Variants in LRRC74A observed in about 807,000 individuals in gnomAD.
The protein encoded by LRRC74A is leucine-rich repeat-containing protein 74A.
Under a neutral mutation model 57.9 loss-of-function variants are expected in LRRC74A, and 44 were observed. The observed-to-expected ratio is 0.76, with a 90% CI of 0.60 to 0.98. The LOEUF (loss-of-function observed/expected upper bound fraction) is 0.98, where lower values mean the gene tolerates loss of function less well. Among genes scored for constraint, LRRC74A ranks in the 50% least tolerant of loss-of-function variants. LRRC74A has a pLI of 0.00. For synonymous variants in LRRC74A, 211 were observed against 219.4 expected, an observed-to-expected ratio of 0.96 and a Z score of 0.34; for missense variants, 572 against 574.0, an observed-to-expected ratio of 1.00 and a Z score of 0.04.
chr14:76,852,254 T>C (rs1314901043), intron 7 of LRRC74A, 111 bp from the exon 8 acceptor site: 4 of 688,112 alleles, frequency 5.8e-6, no homozygotes, highest in Non-Finnish European at 9.5e-6. Context: ...AGAATTTTAC[T>C]TGCATGACCA....
intron 2 of LRRC74A, 22 bp from the exon 3 acceptor site, chr14:76,831,181 T>C (rs752509780): frequency 3.1e-5 from 50 of 1,613,066 alleles, no homozygotes; most frequent in Non-Finnish European, 3.8e-5. Context: ...GAAATCCTAC[T>C]TCAGCCCATC....
In LRRC74A at chr14:76,857,343, A is replaced by G. The variant is rs564027987; in HGVS notation, c.958-37A>G. On this transcript the variant is annotated intron_variant, in intron 9 of 13. Coordinates refer to ENST00000689127, the MANE Select transcript of LRRC74A (RefSeq NM_001385106.1). ...GTGCTCTGGGCCAGCCTCTCCTCCC[A>G]TCTCAGCCTCCTCTTGTCTTGATTC... 385 of 1,409,734 alleles carry G rather than the reference A, an allele frequency of 2.7e-4. 8 individuals are homozygous for G. The South Asian group carries it at 4.4e-3, about 16-fold the overall frequency. 87.3% of individuals were successfully genotyped at this position (1,409,734 alleles called of 1,614,324 possible). A position where few individuals can be genotyped will look rare whatever the true frequency, so the allele number is the denominator to read the frequency against.
chr14:76,860,982 GC>G, intron 11 of LRRC74A, 143 bp downstream of exon 11: 3 of 667,872 alleles, frequency 4.5e-6, no homozygotes, highest in Non-Finnish European at 7.0e-6. Flanking sequence ...CCCTTGGACA[GC>G]AGACATGGAA....
intron 11 of LRRC74A, among the ~76,000 whole-genome samples, chr14:76,864,909 TATGTGA>T (rs1898657312): frequency 6.6e-6 from 1 of 152,172 alleles, no homozygotes. Context: ...AAGGTGTTCA[TATGTGA>T]ACAGTGGGTT....
At chr14:76,850,431 G>A (rs1897374296) in intron 7 of LRRC74A, among the ~76,000 whole-genome samples, 2 of 152,096 alleles carry the variant, frequency 1.3e-5, no homozygotes, top group South Asian at 4.1e-4. Flanking sequence ...GGTAAAAAGA[G>A]AGTGAAGGAG....
intron 1 of LRRC74A, among the ~76,000 whole-genome samples, chr14:76,827,470 C>T (rs773212431): frequency 2.8e-4 from 42 of 152,274 alleles, no homozygotes; most frequent in Admixed American, 3.3e-4. Context: ...CTTGAAACTA[C>T]TGAGTCCTGT....
intron 11 of LRRC74A, among the ~76,000 whole-genome samples, chr14:76,864,294 C>T (rs1336253790): frequency 4.0e-5 from 6 of 151,500 alleles, no homozygotes; most frequent in Non-Finnish European, 8.8e-5. Context: ...GTGTGGGGAA[C>T]AAAGAGCAAG....
chr14:76,827,158 A>G (rs1850046511), intron 1 of LRRC74A, among the ~76,000 whole-genome samples: 1 of 152,224 alleles, frequency 6.6e-6, no homozygotes, highest in African/African-American at 2.4e-5. Flanking sequence ...CAAGGAAATT[A>G]ACACTCAGAA....
chr14:76,865,373 C>T (rs989800174), intron 11 of LRRC74A, among the ~76,000 whole-genome samples: 1 of 152,034 alleles, frequency 6.6e-6, no homozygotes, highest in Non-Finnish European at 1.5e-5. Context: ...CAATCCCTTG[C>T]ACATATCAAG....
At chr14:76,847,943 G>A (rs1897213897) in intron 7 of LRRC74A, among the ~76,000 whole-genome samples, 1 of 152,134 alleles carries the variant, frequency 6.6e-6, no homozygotes, top group African/African-American at 2.4e-5. Context: ...GGAGGCTGAG[G>A]CGGGTGGATC....
rs1254135779 is a variant in LRRC74A, at chr14:76,857,398, A to G, written c.976A>G (p.Asn326Asp). 1.3e-5 allele frequency: 21 copies of G among 1,580,000 alleles called. No homozygotes were observed. The East Asian group carries it at 4.5e-4, about 34-fold the overall frequency. ...TCTATAGCTTTTCCTGAATCCCATA[A>G]ATATGGATGGGGCTATTTTACTTAT... is the stretch of plus-strand genomic sequence containing the variant. ...RVLKLFLNPI[N>D]MDGAILLILA... is the part of the protein sequence containing the mutation. The change falls in exon 10 of 14, where the codon AAT (asparagine) becomes GAT (aspartate). Residue 326 changes from asparagine to aspartate, a missense_variant. Coordinates refer to ENST00000689127, the MANE Select transcript of LRRC74A (RefSeq NM_001385106.1).
chr14:76,860,707 C>T lies in LRRC74A; in HGVS notation c.1068C>T (p.Ser356=), dbSNP rs200448778. ...CCCTGTCACAGAACGTGCTGGTGTC[C>T]GAGCAGTTCATGAAAACGTTGGACG... is the stretch of plus-strand genomic sequence containing the variant. ...EELDISNVLV[S]EQFMKTLDGV... Residue 356 remains serine (S), a synonymous_variant, in exon 11 of 14, where the codon TCC becomes TCT. Transcript: ENST00000689127. The T allele has an allele frequency of 1.9e-5, 30 of 1,610,340 alleles. No individual in the cohort carries two copies. The highest frequency in any genetic ancestry group is 1.7e-4 in the Middle Eastern group (1 of 6,048).
At chr14:76,834,363 C>T (rs766071897) in intron 3 of LRRC74A, among the ~76,000 whole-genome samples, 8 of 152,152 alleles carry the variant, frequency 5.3e-5, no homozygotes, top group Non-Finnish European at 1.0e-4. Context: ...GTAGTAACAG[C>T]GGTTTCTGTT....
Position 76,844,858 on chromosome 14 carries a change from C to T in LRRC74A, c.633C>T (p.Asn211=). 6.3e-7 allele frequency: 1 copy of T among 1,596,818 alleles called. No individual in the cohort carries two copies. ...YQIKKLDLSH[N]QFSDVGGEHL... is the part of the protein sequence containing the mutation. ...TTAAAAAGCTGGATCTCAGTCACAACCAATTCTCTGATGTAGGAGGGGAGC... is the reference window on the plus strand; with the variant it reads ...TTAAAAAGCTGGATCTCAGTCACAATCAATTCTCTGATGTAGGAGGGGAGC... Residue 211 remains asparagine (N), a synonymous_variant, in exon 7 of 14, where the codon AAC becomes AAT. Transcript: ENST00000689127.
At chr14:76,836,410 T>A in intron 4 of LRRC74A, 96 bp downstream of exon 4, 1 of 830,588 alleles carries the variant, frequency 1.2e-6, no homozygotes, top group Non-Finnish European at 1.9e-6. Flanking sequence ...CCAGGCTGCC[T>A]CCAGGCTCCT....
At chr14:76,864,174 T>C (rs1898559421) in intron 11 of LRRC74A, among the ~76,000 whole-genome samples, 1 of 151,888 alleles carries the variant, frequency 6.6e-6, no homozygotes, top group South Asian at 2.1e-4. Context: ...TTGGATGTGT[T>C]GATTGAAGTG....
chr14:76,848,398 C>CA (rs561999249), intron 7 of LRRC74A, among the ~76,000 whole-genome samples: 4,650 of 137,310 alleles, frequency 0.034, 98 homozygotes, highest in African/African-American at 0.066. Flanking sequence ...GACTCCATCT[C>CA]AAAAAAAAAA....
At chr14:76,863,554 T>C (rs1344038641) in intron 11 of LRRC74A, among the ~76,000 whole-genome samples, 1 of 152,184 alleles carries the variant, frequency 6.6e-6, no homozygotes, top group Admixed American at 6.5e-5. Flanking sequence ...GATTCCCTGG[T>C]CAAGAGCGAA....
intron 7 of LRRC74A, among the ~76,000 whole-genome samples, chr14:76,850,864 A>G (rs1232265784): frequency 6.8e-6 from 1 of 146,202 alleles, no homozygotes; most frequent in African/African-American, 2.5e-5. Flanking sequence ...AAAAAAAAAA[A>G]GAAAGAAAGA....
Sources: allele counts gnomAD v4.1 joint callset (sites outside exome capture counted in the v4.1 genomes callset), GRCh38; gene constraint gnomAD v4.1.1; transcripts MANE v1.5; gene names NCBI Gene and HGNC (gene_info 2026-07-23, HGNC 2026-07-21).